The following KANK1 variants were observed in gnomAD, a reference collection of about 807,000 sequenced individuals.
The protein encoded by KANK1 is KN motif and ankyrin repeat domain-containing protein 1.
KANK1 carries 109 observed loss-of-function variants against 106.2 expected under a neutral mutation model. The observed-to-expected ratio is 1.03, with a 90% CI of 0.88 to 1.20. The LOEUF (loss-of-function observed/expected upper bound fraction) is 1.20, where lower values mean the gene tolerates loss of function less well. Ranked by LOEUF, KANK1 falls within the 50% of genes most tolerant of loss-of-function variation. The pLI, the probability that KANK1 is intolerant of heterozygous loss-of-function variation, is 0.00. For synonymous variants in KANK1, 873 were observed against 652.2 expected (o/e 1.34, Z -5.16); for missense variants, 2,399 against 1,710.7 (o/e 1.40, Z -7.10).
intron 1 of KANK1, among the ~76,000 whole-genome samples, chr9:508,014 G>T (rs1001321318): frequency 6.6e-6 from 1 of 150,992 alleles, no homozygotes; most frequent in African/African-American, 2.4e-5. Context: ...AGAGACGGGG[G>T]TTTTACCATG....
intron 1 of KANK1, among the ~76,000 whole-genome samples, chr9:661,000 T>C (rs1843173112): frequency 6.6e-6 from 1 of 152,210 alleles, no homozygotes; most frequent in Non-Finnish European, 1.5e-5. Context: ...GATGTACCAG[T>C]CATGTAGCTA....
At chr9:559,959 A>C (rs1390375074) in intron 1 of KANK1, among the ~76,000 whole-genome samples, 1 of 152,152 alleles carries the variant, frequency 6.6e-6, no homozygotes, top group Admixed American at 6.5e-5. Flanking sequence ...TTTGTATTGT[A>C]GTTACGTGTC....
chr9:706,417 T>C (rs2130675223), intron 2 of KANK1, among the ~76,000 whole-genome samples: 1 of 152,324 alleles, frequency 6.6e-6, no homozygotes, highest in East Asian at 1.9e-4. Flanking sequence ...TTTTAAATAC[T>C]GATGTTGAGT....
chr9:514,704 G>C (rs56072524), intron 1 of KANK1, among the ~76,000 whole-genome samples: 1 of 151,190 alleles, frequency 6.6e-6, no homozygotes, highest in East Asian at 1.9e-4. Context: ...GTCCATGAAC[G>C]TTAGGTTTCT....
At chr9:578,231 TCAAA>T (rs952849780) in intron 1 of KANK1, among the ~76,000 whole-genome samples, 5 of 152,212 alleles carry the variant, frequency 3.3e-5, no homozygotes, top group Admixed American at 6.5e-5. Flanking sequence ...TTTATTTGCT[TCAAA>T]CAAAGTAGGA....
At chr9:694,727 C>A (rs369791930) in intron 2 of KANK1, among the ~76,000 whole-genome samples, 4 of 152,282 alleles carry the variant, frequency 2.6e-5, no homozygotes, top group East Asian at 3.9e-4. Flanking sequence ...CTCACTCTTA[C>A]GTGCAGCCTG....
At chr9:665,425 C>A (rs1002717270) in intron 1 of KANK1, among the ~76,000 whole-genome samples, 1 of 152,178 alleles carries the variant, frequency 6.6e-6, no homozygotes, top group South Asian at 2.1e-4. Flanking sequence ...AAGAGACTGT[C>A]CTTTCCCTGT....
intron 1 of KANK1, among the ~76,000 whole-genome samples, chr9:664,486 A>G (rs1844112601): frequency 6.6e-6 from 1 of 152,184 alleles, no homozygotes. Context: ...TTGTAGAGAC[A>G]GAGTCCTGCT....
chr9:704,383 T>C (rs1203890826), intron 2 of KANK1, among the ~76,000 whole-genome samples: 3 of 152,190 alleles, frequency 2.0e-5, no homozygotes, highest in South Asian at 2.1e-4. Context: ...TACACTAGTG[T>C]TCTAGTCATC....
intron 3 of KANK1, among the ~76,000 whole-genome samples, chr9:493,882 A>G (rs1253095106): frequency 1.3e-5 from 2 of 150,550 alleles, no homozygotes; most frequent in Admixed American, 1.3e-4. Flanking sequence ...AATAGTTTAC[A>G]TACATTTTTT....
chr9:653,703 T>A (rs1841434905), intron 1 of KANK1, among the ~76,000 whole-genome samples: 2 of 152,162 alleles, frequency 1.3e-5, no homozygotes, highest in Non-Finnish European at 2.9e-5. Context: ...TTCTTTTGCA[T>A]TTGGAGGTAA....
chr9:728,417 C>T (rs947477230), intron 3 of KANK1, among the ~76,000 whole-genome samples: 7 of 152,150 alleles, frequency 4.6e-5, no homozygotes, highest in Non-Finnish European at 7.3e-5. Flanking sequence ...AGGCTGGTCT[C>T]GGACTCTTGA....
intron 10 of KANK1, among the ~76,000 whole-genome samples, chr9:743,429 G>C (rs1235389496): frequency 6.6e-6 from 1 of 152,196 alleles, no homozygotes. Context: ...CTTTCTTCCA[G>C]AAGAGTTTGT....
intron 1 of KANK1, among the ~76,000 whole-genome samples, chr9:638,694 A>G (rs1028927795): frequency 6.6e-5 from 10 of 152,156 alleles, no homozygotes; most frequent in African/African-American, 2.4e-4. Context: ...TGTCTTTCAT[A>G]AACTTGTTAA....
intron 3 of KANK1, among the ~76,000 whole-genome samples, chr9:475,585 A>T (rs571163256): frequency 6.6e-6 from 1 of 152,288 alleles, no homozygotes; most frequent in African/African-American, 2.4e-5. Flanking sequence ...ATGCCCTACA[A>T]ACCAAAAATT....
At chr9:483,267 G>A (rs757900018) in intron 3 of KANK1, among the ~76,000 whole-genome samples, 8 of 152,274 alleles carry the variant, frequency 5.3e-5, no homozygotes, top group Middle Eastern at 3.4e-3. Context: ...TGGATTAGAG[G>A]GGAGTATGGT....
chr9:701,012 G>C (rs1205662026), intron 2 of KANK1, among the ~76,000 whole-genome samples: 2 of 152,200 alleles, frequency 1.3e-5, no homozygotes, highest in African/African-American at 4.8e-5. Flanking sequence ...GGTAGAGTAT[G>C]TAGAAAGTAT....
At chr9:502,268 T>C (rs114025159), upstream of KANK1, among the ~76,000 whole-genome samples, 4,723 of 152,254 alleles carry the variant, frequency 0.031, 228 homozygotes, top group South Asian at 0.11. Context: ...GTGATGGTTG[T>C]GTGACTTTGG....
In KANK1 at chr9:692,921, G is replaced by A. The variant is rs573082408; in HGVS notation, c.37+15912G>A. 1.2e-3 allele frequency among the ~76,000 whole-genome samples: 181 copies of A among 152,216 alleles called. 3 individuals carry two copies. Among genetic ancestry groups the A allele is most frequent in the African/African-American group, 4.2e-3 (174 of 41,494 alleles). Reference sequence around the variant, plus strand: ...GGAGGCTGAGGTGGGAGGATCACATGAGCCCAGGAGGTTGAGGCTACAGTG... The same window carrying A: ...GGAGGCTGAGGTGGGAGGATCACATAAGCCCAGGAGGTTGAGGCTACAGTG... On this transcript the variant is annotated intron_variant, in intron 2 of 11. Transcript: ENST00000382297.
Sources: allele counts gnomAD v4.1 joint callset (sites outside exome capture counted in the v4.1 genomes callset), GRCh38; gene constraint gnomAD v4.1.1; transcripts MANE v1.5; gene names NCBI Gene and HGNC (gene_info 2026-07-23, HGNC 2026-07-21).